KLRF1: variants seen among roughly 807,000 people sequenced by gnomAD.
KLRF1 encodes killer cell lectin like receptor F1.
Under a neutral mutation model 30.7 loss-of-function variants are expected in KLRF1, and 27 were observed. The observed-to-expected ratio is 0.88, with a 90% confidence interval of 0.65 to 1.21. The LOEUF (loss-of-function observed/expected upper bound fraction) is 1.21, where lower values mean the gene tolerates loss of function less well. KLRF1 is among the 50% of genes most tolerant of loss of function. The pLI is 0.00. For synonymous variants in KLRF1, 92 were observed against 89.3 expected (o/e 1.03, Z -0.17); for missense variants, 246 against 259.3 (o/e 0.95, Z 0.35).
the KLRF1 span, among the ~76,000 whole-genome samples, chr12:9,818,466 A>G: frequency 6.6e-6 from 1 of 152,206 alleles, no homozygotes; most frequent in Non-Finnish European, 1.5e-5. Context: ...GTCAAATACA[A>G]TATTGTGTGA....
At chr12:9,824,690 C>T (rs1432909006), upstream of KLRF1, among the ~76,000 whole-genome samples, 1 of 152,100 alleles carries the variant, frequency 6.6e-6, no homozygotes, top group African/African-American at 2.4e-5. Context: ...TGTTTTCAGA[C>T]CATATGATTA....
At chr12:9,808,264 T>C in the KLRF1 span, among the ~76,000 whole-genome samples, 1 of 152,152 alleles carries the variant, frequency 6.6e-6, no homozygotes, top group Admixed American at 6.5e-5. Flanking sequence ...AATTCCTTTG[T>C]GCTCCTTCCT....
intron 5 of KLRF1, among the ~76,000 whole-genome samples, chr12:9,842,993 C>A (rs1867738553): frequency 6.6e-6 from 1 of 152,044 alleles, no homozygotes; most frequent in African/African-American, 2.4e-5. Flanking sequence ...CAAAGATGTC[C>A]ACATTCTAAT....
chr12:9,807,039 GTTTAAC>G, the KLRF1 span, among the ~76,000 whole-genome samples: 3,784 of 152,010 alleles, frequency 0.025, 60 homozygotes, highest in African/African-American at 0.043. Context: ...ATACCTCCTA[GTTTAAC>G]TTTAATTTCT....
At chr12:9,838,276 G>A (rs752231984) in intron 3 of KLRF1, among the ~76,000 whole-genome samples, 14 of 152,068 alleles carry the variant, frequency 9.2e-5, no homozygotes, top group Non-Finnish European at 1.8e-4. Context: ...GACTGGCTCT[G>A]ACTGACTTTT....
chr12:9,823,498 GA>G (rs1867249433), upstream of KLRF1, among the ~76,000 whole-genome samples: 1 of 152,086 alleles, frequency 6.6e-6, no homozygotes, highest in Non-Finnish European at 1.5e-5. Flanking sequence ...AGTATTAAGA[GA>G]AAAACTTATA....
chr12:9,834,966 T>C (rs1184907404), intron 3 of KLRF1, among the ~76,000 whole-genome samples: 1 of 152,090 alleles, frequency 6.6e-6, no homozygotes, highest in Non-Finnish European at 1.5e-5. Flanking sequence ...GTGATATGTC[T>C]GTGATGCTAG....
chr12:9,831,887 C>A lies in KLRF1; in HGVS notation c.86-429C>A, dbSNP rs186555151. ...AAGCCATATTTAGTTCTGATTCATC[C>A]TTAGTAAATAAAAAAGGCTCAAAGG... On this transcript the variant is annotated intron_variant, in intron 1 of 5. Coordinates refer to ENST00000617889, the MANE Select transcript of KLRF1 (RefSeq NM_016523.3). Among the ~76,000 whole-genome samples, 782 of 152,118 alleles carry A rather than the reference C, an allele frequency of 5.1e-3. 7 individuals carry two copies. Among genetic ancestry groups the A allele is most frequent in the Non-Finnish European group, 7.3e-3 (494 of 67,942 alleles).
intron 2 of KLRF1, among the ~76,000 whole-genome samples, chr12:9,832,717 A>C (rs16907726): frequency 0.11 from 16,539 of 151,434 alleles, 1,110 homozygotes; most frequent in African/African-American, 0.19. Flanking sequence ...TATTTGAAAC[A>C]GTTTTTCTGT....
chr12:9,833,177 A>G (rs1867483035), intron 2 of KLRF1, 126 bp from the exon 3 acceptor site: 1 of 597,174 alleles, frequency 1.7e-6, no homozygotes, highest in Non-Finnish European at 2.6e-6. Flanking sequence ...GAAAATTTTA[A>G]AAAGATCCTA....
At chr12:9,811,732 C>T in the KLRF1 span, among the ~76,000 whole-genome samples, 6 of 152,238 alleles carry the variant, frequency 3.9e-5, no homozygotes, top group South Asian at 2.1e-4. Flanking sequence ...ATGCAGCTTT[C>T]GGGAAAATCC....
At chr12:9,800,137 A>G in the KLRF1 span, among the ~76,000 whole-genome samples, 7 of 152,042 alleles carry the variant, frequency 4.6e-5, no homozygotes, top group Non-Finnish European at 8.8e-5. Context: ...TATGGTAAGA[A>G]TGTGTTTAGT....
intron 1 of KLRF1, among the ~76,000 whole-genome samples, chr12:9,830,304 G>A (rs1867384817): frequency 6.6e-6 from 1 of 151,614 alleles, no homozygotes; most frequent in East Asian, 1.9e-4. Flanking sequence ...GGAATTAACG[G>A]TAGTTTTTCA....
upstream of KLRF1, among the ~76,000 whole-genome samples, chr12:9,822,631 G>A (rs972918519): frequency 3.3e-5 from 5 of 152,152 alleles, no homozygotes; most frequent in African/African-American, 1.2e-4. Flanking sequence ...TACTAACCTT[G>A]AATGTAAACA....
the KLRF1 span, among the ~76,000 whole-genome samples, chr12:9,808,632 A>C: frequency 1.3e-5 from 2 of 152,322 alleles, no homozygotes; most frequent in Non-Finnish European, 2.9e-5. Flanking sequence ...AGAATGCTGC[A>C]ATCATGCAGC....
chr12:9,810,406 T>G, the KLRF1 span, among the ~76,000 whole-genome samples: 1 of 152,056 alleles, frequency 6.6e-6, no homozygotes, highest in African/African-American at 2.4e-5. Flanking sequence ...ACAAATTAAA[T>G]TCCTCTCCAA....
chr12:9,806,084 A>G, the KLRF1 span, among the ~76,000 whole-genome samples: 2,123 of 150,918 alleles, frequency 0.014, 43 homozygotes, highest in African/African-American at 0.048. Context: ...TTCGTTGTAC[A>G]TTTTACTTTA....
the KLRF1 span, among the ~76,000 whole-genome samples, chr12:9,806,473 T>G: frequency 9.2e-5 from 14 of 152,234 alleles, no homozygotes; most frequent in African/African-American, 2.6e-4. Context: ...TTGGTATCAT[T>G]TTACAGACTT....
chr12:9,838,669 T>C (rs253145), intron 3 of KLRF1, among the ~76,000 whole-genome samples: 145,528 of 152,224 alleles, frequency 0.96, 69,708 homozygotes, highest in Non-Finnish European at 0.99. Flanking sequence ...GAATTCTATT[T>C]TTTACCATGT....
Sources: gnomAD v4.1 joint callset for allele counts (sites outside exome capture counted in the v4.1 genomes callset) on GRCh38, gnomAD v4.1.1 for gene constraint, MANE v1.5 for transcripts, NCBI Gene and HGNC (gene_info 2026-07-23, HGNC 2026-07-21) for gene names.